DDX60: variants seen among roughly 807,000 people sequenced by gnomAD.
DDX60 encodes the protein DExD/H-box helicase 60, also known as probable ATP-dependent RNA helicase DDX60.
Under a neutral mutation model 212.8 loss-of-function variants are expected in DDX60, and 165 were observed. The observed-to-expected ratio is 0.78, with a 90% confidence interval of 0.68 to 0.88. The LOEUF (loss-of-function observed/expected upper bound fraction) is 0.88. Ranked by LOEUF, DDX60 falls within the 40% of genes least tolerant of loss-of-function variation. The probability of loss-of-function intolerance (pLI) is 0.00; values close to 1 mark genes in which losing one functional copy is unlikely to be tolerated. For missense variants in DDX60, 1,905 were observed against 2,003.9 expected, an observed-to-expected ratio of 0.95 and a Z score of 0.94; for synonymous variants, 703 against 685.3, an observed-to-expected ratio of 1.03 and a Z score of -0.40.
intron 19 of DDX60, among the ~76,000 whole-genome samples, chr4:168,269,371 G>A (rs1197799822): frequency 6.6e-6 from 1 of 152,074 alleles, no homozygotes; most frequent in Non-Finnish European, 1.5e-5. Context: ...GGCCGAGGAG[G>A]GCGGATCACG....
chr4:168,312,899 G>A (rs1737204477), intron 1 of DDX60, among the ~76,000 whole-genome samples: 1 of 152,126 alleles, frequency 6.6e-6, no homozygotes, highest in African/African-American at 2.4e-5. Flanking sequence ...ACTGTGGGCT[G>A]GGGAGTTTAG....
chr4:168,293,888 G>C lies in DDX60; in HGVS notation c.781C>G (p.Arg261Gly). The change falls in exon 7 of 38, where the codon CGT (arginine) becomes GGT (glycine). Residue 261 changes from arginine to glycine, a missense_variant. Physicochemically the swap from Arg to Gly is moderately radical, Grantham distance 125. Coordinates refer to ENST00000393743, the MANE Select transcript of DDX60 (RefSeq NM_017631.6). Reference sequence around the variant, plus strand: ...GAGCATGAAGTAACACAAAAGACACGCCGAATGTCAGATCCTTCTGGCCAG... The same window carrying C: ...GAGCATGAAGTAACACAAAAGACACCCCGAATGTCAGATCCTTCTGGCCAG... ...QVWPEGSDIR[R>G]VFCVTSCSLS... 10 of 1,613,934 alleles carry C rather than the reference G, an allele frequency of 6.2e-6. No individual in the cohort carries two copies. Among genetic ancestry groups the C allele is most frequent in the Non-Finnish European group, 8.5e-6 (10 of 1,179,922 alleles).
Position 168,283,623 on chromosome 4 carries a change from T to C in DDX60, c.1562-17A>G. On this transcript the variant is annotated splice_polypyrimidine_tract_variant and intron_variant, in intron 12 of 37. Transcript: ENST00000393743. ...TAGATTTTTCTGAAAAAGAAAAGACTTAAAATGTAACTTTATTGTAGTTTT... is the reference window on the plus strand; with the variant it reads ...TAGATTTTTCTGAAAAAGAAAAGACCTAAAATGTAACTTTATTGTAGTTTT... The C allele has an allele frequency of 5.7e-6, 9 of 1,576,982 alleles. No homozygotes were observed. The highest frequency in any genetic ancestry group is 7.8e-6 in the Non-Finnish European group (9 of 1,159,674).
At chr4:168,317,722 A>T (rs1737459798) in intron 1 of DDX60, among the ~76,000 whole-genome samples, 1 of 152,114 alleles carries the variant, frequency 6.6e-6, no homozygotes, top group Non-Finnish European at 1.5e-5. Flanking sequence ...GACTCGGGAG[A>T]TTCCCCCAAA....
At position 168,288,836 on chromosome 4, in the gene DDX60, C is replaced by T. The variant is rs1735972557; in HGVS notation, c.1042-521G>A. 1.3e-5 allele frequency among the ~76,000 whole-genome samples: 2 copies of T among 152,302 alleles called. 1 individual carries two copies. Among genetic ancestry groups the T allele is most frequent in the South Asian group, 4.1e-4 (2 of 4,828 alleles). The stretch of plus-strand genomic sequence containing the variant: ...CAGAGTAAACCTCATGGAATGATCC[C>T]TTCTACGATTTGCTTAGTTGCTTTC... On this transcript the variant is annotated intron_variant, in intron 8 of 37. Transcript: ENST00000393743.
intron 14 of DDX60, among the ~76,000 whole-genome samples, chr4:168,276,396 A>G (rs1025556448): frequency 6.6e-6 from 1 of 152,120 alleles, no homozygotes; most frequent in Non-Finnish European, 1.5e-5. Flanking sequence ...CAGTGTTGGG[A>G]AAAAAATTGT....
chr4:168,265,141 C>T (rs1379049673), intron 22 of DDX60, among the ~76,000 whole-genome samples: 1 of 152,114 alleles, frequency 6.6e-6, no homozygotes, highest in African/African-American at 2.4e-5. Flanking sequence ...CAGAAACAAG[C>T]CATGTATGGA....
At chr4:168,233,974 T>C (rs576673988) in intron 33 of DDX60, among the ~76,000 whole-genome samples, 13 of 152,142 alleles carry the variant, frequency 8.5e-5, no homozygotes, top group Non-Finnish European at 1.9e-4. Flanking sequence ...ACCAAGAGTT[T>C]ATATATGTAT....
intron 30 of DDX60, among the ~76,000 whole-genome samples, chr4:168,243,207 T>C (rs1162363351): frequency 2.0e-5 from 3 of 152,202 alleles, no homozygotes; most frequent in East Asian, 3.9e-4. Context: ...AGCATGAACA[T>C]GGAATAATAC....
Position 168,262,788 on chromosome 4 carries a change from C to A in DDX60, c.3040-1G>T. The A allele has an allele frequency of 6.3e-7, 1 of 1,586,676 alleles. No individual in the cohort carries two copies. Among genetic ancestry groups the A allele is most frequent in the Non-Finnish European group, 8.6e-7 (1 of 1,165,708 alleles). On this transcript the variant is annotated splice_acceptor_variant, in intron 22 of 37. Coordinates refer to ENST00000393743, the MANE Select transcript of DDX60 (RefSeq NM_017631.6). LOFTEE classifies it high-confidence loss of function. Reference sequence around the variant, plus strand: ...CAGGAGGGAATCCATACCTTTCAATCTGTTTAAAATAAAATTAAAATTTTT... The same window carrying A: ...CAGGAGGGAATCCATACCTTTCAATATGTTTAAAATAAAATTAAAATTTTT...
chr4:168,317,470 GA>G (rs1163762585), intron 1 of DDX60, among the ~76,000 whole-genome samples: 1 of 151,764 alleles, frequency 6.6e-6, no homozygotes, highest in Non-Finnish European at 1.5e-5. Flanking sequence ...AGGTAAAGAG[GA>G]AAAAAATGGG....
rs1172846194 is a variant in DDX60, at chr4:168,216,299, A to G, written c.*634T>C. ...TAACACAATGAGACCAATGGTAAAC[A>G]GATCGAACCCACTTTATTTCTTTGT... On this transcript the variant is annotated 3_prime_UTR_variant, in exon 38 of 38. Transcript: ENST00000393743. 2 of 152,222 alleles carry G rather than the reference A, an allele frequency of 1.3e-5. No individual in the cohort carries two copies. The highest frequency in any genetic ancestry group is 2.9e-5 in the Non-Finnish European group (2 of 68,052). 9.4% of individuals were successfully genotyped at this position (152,222 alleles called of 1,614,324 possible).
In DDX60 at chr4:168,260,965, T is replaced by C. The variant is rs1734601003; in HGVS notation, c.3298A>G (p.Ser1100Gly). The change falls in exon 25 of 38, where the codon AGT (serine) becomes GGT (glycine). Residue 1100 changes from serine to glycine, a missense_variant. Coordinates refer to ENST00000393743, the MANE Select transcript of DDX60 (RefSeq NM_017631.6). ...EQARMVLQNL[S>G]PEADLSPENM... ...TCTGGACTCAAATCTGCTTCAGGAC[T>C]AAGATTCTGAAGTACCATTCTGGCC... The C allele has an allele frequency of 6.2e-7, 1 of 1,613,076 alleles. No individual in the cohort carries two copies. The highest frequency in any genetic ancestry group is 1.7e-5 in the Admixed American group (1 of 59,898).
At chr4:168,271,168 G>A (rs759749426) in intron 19 of DDX60, among the ~76,000 whole-genome samples, 2 of 152,106 alleles carry the variant, frequency 1.3e-5, no homozygotes, top group East Asian at 1.9e-4. Context: ...GTGAGCCACC[G>A]CACCTGACCA....
chr4:168,280,708 T>G, intron 13 of DDX60, 118 bp from the exon 14 acceptor site: 1 of 1,162,776 alleles, frequency 8.6e-7, no homozygotes, highest in South Asian at 1.9e-5. Context: ...CCATTTTGAG[T>G]AGATGTGAAA....
At chr4:168,250,877 G>T in intron 28 of DDX60, 77 bp downstream of exon 28, 2 of 1,252,612 alleles carry the variant, frequency 1.6e-6, no homozygotes, top group Non-Finnish European at 2.2e-6. Context: ...AATGGTGGTT[G>T]TATTCTTTAC....
At chr4:168,264,795 T>C (rs1448104119) in intron 22 of DDX60, among the ~76,000 whole-genome samples, 2 of 152,334 alleles carry the variant, frequency 1.3e-5, no homozygotes, top group East Asian at 3.9e-4. Context: ...TATGCCTAAA[T>C]ACTGGGGATC....
chr4:168,267,797 TAATAA>T lies in DDX60; in HGVS notation c.2929+39_2929+43del, dbSNP rs544701048. 2.7e-4 allele frequency: 427 copies of T among 1,555,582 alleles called. 2 individuals are homozygous for T. Among genetic ancestry groups the T allele is most frequent in the Admixed American group, 5.0e-4 (25 of 49,918 alleles). The stretch of plus-strand genomic sequence containing the variant: ...AAGGCAATGGCAGATTTTTTAAAAA[TAATAA>T]AATAAAAGGCAAGCTTTATATAAAT... On this transcript the variant is annotated intron_variant, in intron 21 of 37. Transcript: ENST00000393743.
intron 34 of DDX60, among the ~76,000 whole-genome samples, chr4:168,225,323 G>A (rs1388602033): frequency 2.0e-5 from 3 of 151,996 alleles, no homozygotes; most frequent in Non-Finnish European, 4.4e-5. Flanking sequence ...TAACAAGATG[G>A]TTATAAATTG....
Sources: gnomAD v4.1 joint callset for allele counts (sites outside exome capture counted in the v4.1 genomes callset) on GRCh38, gnomAD v4.1.1 for gene constraint, MANE v1.5 for transcripts, NCBI Gene and HGNC (gene_info 2026-07-23, HGNC 2026-07-21) for gene names.